The following RBFOX1 variants were observed in gnomAD, a reference collection of about 807,000 sequenced individuals.
The protein encoded by RBFOX1 is RNA binding protein fox-1 homolog 1.
A neutral mutation model predicts 57.7 loss-of-function variants in RBFOX1; 8 were observed. The ratio of observed to expected loss-of-function variants is 0.14; its 90% CI spans 0.08 to 0.25. RBFOX1 has a LOEUF of 0.25. RBFOX1 is among the 10% of genes least tolerant of loss of function. RBFOX1 has a pLI of 1.00. For missense variants in RBFOX1, 611 were observed against 548.5 expected, an observed-to-expected ratio of 1.11 and a Z score of -1.14; for synonymous variants, 326 against 222.4, an observed-to-expected ratio of 1.47 and a Z score of -4.15.
At chr16:6,283,693 C>G (rs970900178) in intron 1 of RBFOX1, among the ~76,000 whole-genome samples, 10 of 152,170 alleles carry the variant, frequency 6.6e-5, no homozygotes, top group African/African-American at 2.4e-4. Flanking sequence ...CACGTTGGCA[C>G]CCAGAGATCC....
At chr16:6,898,194 G>A (rs546869061) in intron 3 of RBFOX1, among the ~76,000 whole-genome samples, 2 of 152,234 alleles carry the variant, frequency 1.3e-5, no homozygotes, top group Admixed American at 6.5e-5. Context: ...AATGCTTACA[G>A]TCCATTGTGG....
intron 4 of RBFOX1, among the ~76,000 whole-genome samples, chr16:5,899,567 G>A (rs1405960262): frequency 6.6e-6 from 1 of 152,192 alleles, no homozygotes; most frequent in East Asian, 1.9e-4. Context: ...AACTGAAAGA[G>A]CTGGATATTG....
At chr16:7,282,594 T>C (rs147337773) in intron 4 of RBFOX1, among the ~76,000 whole-genome samples, 10 of 152,012 alleles carry the variant, frequency 6.6e-5, no homozygotes, top group African/African-American at 2.4e-4. Context: ...TTTAAAAAAT[T>C]TTTCCATAGG....
intron 3 of RBFOX1, among the ~76,000 whole-genome samples, chr16:5,681,102 C>G (rs2050318614): frequency 1.3e-5 from 2 of 151,964 alleles, no homozygotes; most frequent in South Asian, 2.1e-4. Flanking sequence ...GAGATGGAGT[C>G]TCGCTCTGTC....
intron 3 of RBFOX1, among the ~76,000 whole-genome samples, chr16:6,914,026 T>A (rs777710449): frequency 6.6e-6 from 1 of 152,178 alleles, no homozygotes; most frequent in Non-Finnish European, 1.5e-5. Context: ...GCCAGAAACA[T>A]TAAGCAAAAA....
chr16:5,505,157 T>C lies in RBFOX1; in HGVS notation c.258+37903T>C, dbSNP rs140699679. Among the ~76,000 whole-genome samples, 383 of 152,296 alleles carry C rather than the reference T, an allele frequency of 2.5e-3. 1 individual carries two copies. Among genetic ancestry groups the C allele is most frequent in the African/African-American group, 8.4e-3 (348 of 41,560 alleles). ...GTAAAGCTGTTATTAAAGCAAGCAATGAAAGCTTGACATTGTAGGCTGCAT... is the reference window on the plus strand; with the variant it reads ...GTAAAGCTGTTATTAAAGCAAGCAACGAAAGCTTGACATTGTAGGCTGCAT... On this transcript the variant is annotated intron_variant, in intron 2 of 2. Coordinates refer to the RBFOX1 transcript ENST00000585867.
At chr16:5,327,782 A>G (rs564023899) in intron 1 of RBFOX1, among the ~76,000 whole-genome samples, 2 of 152,306 alleles carry the variant, frequency 1.3e-5, no homozygotes, top group South Asian at 4.1e-4. Context: ...AATGAATTAC[A>G]CAAAGATAAT....
At chr16:6,727,066 G>GCACACAC (rs1568370872) in intron 3 of RBFOX1, among the ~76,000 whole-genome samples, 2 of 148,136 alleles carry the variant, frequency 1.4e-5, no homozygotes, top group African/African-American at 5.0e-5. Flanking sequence ...CACACACACA[G>GCACACAC]ACACAGAGAG....
At chr16:5,933,157 A>G (rs559598942) in intron 4 of RBFOX1, among the ~76,000 whole-genome samples, 5 of 152,332 alleles carry the variant, frequency 3.3e-5, no homozygotes, top group Non-Finnish European at 7.4e-5. Context: ...TGGAGCTGAT[A>G]GAAATAATTT....
intron 2 of RBFOX1, among the ~76,000 whole-genome samples, chr16:6,450,810 T>TACACATATAC (rs1296840867): frequency 5.3e-5 from 1 of 18,820 alleles, no homozygotes; most frequent in Admixed American, 8.7e-4. Context: ...TGTATATATA[T>TACACATATAC]ATATATACAT....
intron 3 of RBFOX1, chr16:5,610,302 C>T (rs1444200913): frequency 1.3e-5 from 2 of 152,236 alleles, no homozygotes; most frequent in Non-Finnish European, 1.5e-5. Flanking sequence ...TCGCTATGTA[C>T]TAGGCCCATG....
chr16:5,342,144 T>TA (rs1194001742), intron 1 of RBFOX1, among the ~76,000 whole-genome samples: 4 of 152,220 alleles, frequency 2.6e-5, no homozygotes, highest in Admixed American at 6.5e-5. Context: ...TTCCACCTTC[T>TA]AATTGCTTTG....
chr16:7,303,910 C>A (rs112965675), intron 4 of RBFOX1, among the ~76,000 whole-genome samples: 2,206 of 151,834 alleles, frequency 0.015, 42 homozygotes, highest in African/African-American at 0.05. Context: ...GAGGGCAGCG[C>A]ATCCCCTGCC....
intron 3 of RBFOX1, among the ~76,000 whole-genome samples, chr16:6,916,326 G>T (rs1049672435): frequency 6.6e-6 from 1 of 152,066 alleles, no homozygotes; most frequent in Admixed American, 6.6e-5. Flanking sequence ...CAGTTGGGTT[G>T]TTTTTACCTT....
At chr16:6,874,415 C>G (rs36141528) in intron 3 of RBFOX1, among the ~76,000 whole-genome samples, 30,162 of 146,526 alleles carry the variant, frequency 0.21, 3,190 homozygotes, top group East Asian at 0.28. Flanking sequence ...GAGGCTGAGG[C>G]AGGAGAACTG....
intron 3 of RBFOX1, among the ~76,000 whole-genome samples, chr16:5,786,809 G>C (rs896912178): frequency 3.3e-5 from 5 of 152,196 alleles, no homozygotes; most frequent in African/African-American, 1.2e-4. Context: ...TCATCAGAGA[G>C]TGATGGGAGG....
intron 2 of RBFOX1, among the ~76,000 whole-genome samples, chr16:6,650,550 A>G (rs149761904): frequency 4.9e-4 from 75 of 152,344 alleles, no homozygotes; most frequent in African/African-American, 1.7e-3. Context: ...GAATGTTGGT[A>G]ATTTAGAGAC....
intron 2 of RBFOX1, among the ~76,000 whole-genome samples, chr16:6,497,618 G>A (rs146456888): frequency 4.0e-5 from 6 of 151,104 alleles, no homozygotes; most frequent in South Asian, 4.2e-4. Flanking sequence ...CTGCAGTGGC[G>A]CGATCTTGGC....
intron 2 of RBFOX1, among the ~76,000 whole-genome samples, chr16:6,605,151 A>G (rs758589131): frequency 1.6e-4 from 25 of 152,198 alleles, no homozygotes; most frequent in Non-Finnish European, 3.1e-4. Context: ...AGGTGAGAGT[A>G]CTGCTTAAGC....
Sources: allele counts gnomAD v4.1 joint callset (sites outside exome capture counted in the v4.1 genomes callset), GRCh38; gene constraint gnomAD v4.1.1; transcripts MANE v1.5; gene names NCBI Gene and HGNC (gene_info 2026-07-23, HGNC 2026-07-21).